Variants in SLC28A3 observed in about 807,000 individuals in gnomAD.
SLC28A3 encodes concentrative Na(+)-nucleoside cotransporter 3.
SLC28A3 carries 68 observed loss-of-function variants against 84.2 expected under a neutral mutation model. The observed-to-expected ratio is 0.81, with a 90% CI of 0.66 to 0.99. The LOEUF (loss-of-function observed/expected upper bound fraction) is 0.99, where lower values mean the gene tolerates loss of function less well. SLC28A3 is among the 50% of genes least tolerant of loss of function. The pLI, the probability that SLC28A3 is intolerant of heterozygous loss-of-function variation, is 0.00. For synonymous variants in SLC28A3, 267 were observed against 303.6 expected, an observed-to-expected ratio of 0.88 and a Z score of 1.25; for missense variants, 712 against 841.5, an observed-to-expected ratio of 0.85 and a Z score of 1.90.
intron 6 of SLC28A3, among the ~76,000 whole-genome samples, chr9:84,298,467 AC>A (rs1825504355): frequency 6.6e-6 from 1 of 152,112 alleles, no homozygotes; most frequent in Admixed American, 6.5e-5. Flanking sequence ...AGCCTGGGCA[AC>A]AGAGCGAGAC....
intron 14 of SLC28A3, among the ~76,000 whole-genome samples, chr9:84,284,706 C>A (rs1242207555): frequency 6.6e-6 from 1 of 152,166 alleles, no homozygotes; most frequent in African/African-American, 2.4e-5. Context: ...CACCAAAGGC[C>A]AGGCAGATGT....
At chr9:84,340,941 C>A, upstream of SLC28A3, among the ~76,000 whole-genome samples, 1 of 151,262 alleles carries the variant, frequency 6.6e-6, no homozygotes. Flanking sequence ...TCTTGTGGTG[C>A]ACAAAACAGA....
rs954367423 is a variant in SLC28A3, at chr9:84,309,776, G to A, written c.157-62C>T. On this transcript the variant is annotated intron_variant, in intron 2 of 17. Coordinates refer to ENST00000376238, the MANE Select transcript of SLC28A3 (RefSeq NM_001199633.2). Reference sequence around the variant, plus strand: ...AGCATCCTGGGCATAATGGACCCTGGTTTCATTGCTCAGAACTCGGGCAAA... The same window carrying A: ...AGCATCCTGGGCATAATGGACCCTGATTTCATTGCTCAGAACTCGGGCAAA... 9 of 1,418,752 alleles carry A rather than the reference G, an allele frequency of 6.3e-6. No individual in the cohort carries two copies. The East Asian group carries it at 1.6e-4, about 25-fold the overall frequency. 87.9% of individuals were successfully genotyped at this position (1,418,752 alleles called of 1,614,324 possible). A position where few individuals can be genotyped will look rare whatever the true frequency, so the allele number is the denominator to read the frequency against.
At chr9:84,310,551 C>A in intron 2 of SLC28A3, 1 of 985,430 alleles carries the variant, frequency 1.0e-6, no homozygotes, top group Non-Finnish European at 1.2e-6. Context: ...AATCTCAGCA[C>A]TTGTCTTCTG....
chr9:84,366,976 C>T, the SLC28A3 span, among the ~76,000 whole-genome samples: 2 of 152,318 alleles, frequency 1.3e-5, no homozygotes, highest in South Asian at 2.1e-4. Flanking sequence ...CCCTTCAGGT[C>T]AGCAAGCTCC....
At chr9:84,324,332 C>T (rs539269078) in intron 1 of SLC28A3, among the ~76,000 whole-genome samples, 1 of 152,264 alleles carries the variant, frequency 6.6e-6, no homozygotes, top group African/African-American at 2.4e-5. Context: ...AATCAGGGCT[C>T]AGTAAATTAA....
At chr9:84,362,342 T>C in the SLC28A3 span, among the ~76,000 whole-genome samples, 1 of 152,124 alleles carries the variant, frequency 6.6e-6, no homozygotes, top group African/African-American at 2.4e-5. Flanking sequence ...GATAGAAATT[T>C]AGGACTTGGC....
At chr9:84,359,847 A>C in the SLC28A3 span, among the ~76,000 whole-genome samples, 1 of 151,946 alleles carries the variant, frequency 6.6e-6, no homozygotes, top group Non-Finnish European at 1.5e-5. Context: ...CAAAAAATAC[A>C]AAAATTAGCT....
intron 6 of SLC28A3, among the ~76,000 whole-genome samples, chr9:84,298,932 T>C (rs949550600): frequency 6.6e-6 from 1 of 152,174 alleles, no homozygotes; most frequent in Non-Finnish European, 1.5e-5. Flanking sequence ...ATCGGAGGCA[T>C]AGACAATGGA....
intron 3 of SLC28A3, 113 bp from the exon 4 acceptor site, chr9:84,305,458 G>T: frequency 2.4e-6 from 2 of 830,588 alleles, no homozygotes; most frequent in Non-Finnish European, 4.0e-6. Context: ...AAACACATGT[G>T]TGAGGCGTAT....
chr9:84,294,115 C>T, intron 9 of SLC28A3, 80 bp downstream of exon 9: 1 of 1,284,208 alleles, frequency 7.8e-7, no homozygotes, highest in Non-Finnish European at 1.1e-6. Context: ...TCGTAAATAC[C>T]TGCATAAAAG....
At chr9:84,308,210 C>G (rs1034099911) in intron 3 of SLC28A3, among the ~76,000 whole-genome samples, 1 of 152,028 alleles carries the variant, frequency 6.6e-6, no homozygotes, top group Non-Finnish European at 1.5e-5. Flanking sequence ...CATGACAGGG[C>G]CTTGCTCTGT....
At position 84,309,781 on chromosome 9, in the gene SLC28A3, A is replaced by G. The variant is rs184457437; in HGVS notation, c.157-67T>C. Reference sequence around the variant, plus strand: ...CCTGGGCATAATGGACCCTGGTTTCATTGCTCAGAACTCGGGCAAAGAACT... The same window carrying G: ...CCTGGGCATAATGGACCCTGGTTTCGTTGCTCAGAACTCGGGCAAAGAACT... On this transcript the variant is annotated intron_variant, in intron 2 of 17. Transcript: ENST00000376238. The G allele has an allele frequency of 5.1e-6, 7 of 1,381,840 alleles. No homozygotes were observed. In the Admixed American group the frequency reaches 9.0e-5, roughly 18 times the overall value. 85.6% of individuals were successfully genotyped at this position (1,381,840 alleles called of 1,614,324 possible).
At chr9:84,340,994 G>C (rs80298844), upstream of SLC28A3, among the ~76,000 whole-genome samples, 1 of 136,462 alleles carries the variant, frequency 7.3e-6, no homozygotes, top group Non-Finnish European at 1.6e-5. Context: ...TTTTTTTTTT[G>C]AGATGGAGTC....
At position 84,277,280 on chromosome 9, in the gene SLC28A3, C is replaced by A. The variant is rs1007850667; in HGVS notation, c.*938G>T. 2.6e-5 allele frequency: 4 copies of A among 152,216 alleles called. No homozygotes were observed. Among genetic ancestry groups the A allele is most frequent in the African/African-American group, 9.6e-5 (4 of 41,458 alleles). 9.4% of individuals were successfully genotyped at this position (152,216 alleles called of 1,614,324 possible). A position where few individuals can be genotyped will look rare whatever the true frequency, so the allele number is the denominator to read the frequency against. On this transcript the variant is annotated 3_prime_UTR_variant, in exon 18 of 18. Coordinates refer to ENST00000376238, the MANE Select transcript of SLC28A3 (RefSeq NM_001199633.2). ...CTTATGGTGTATCATATTACTTCTG[C>A]AAAATATTCACTATCCCTCCCTATG...
chr9:84,365,604 AC>A, the SLC28A3 span, among the ~76,000 whole-genome samples: 1 of 151,978 alleles, frequency 6.6e-6, no homozygotes, highest in Non-Finnish European at 1.5e-5. Flanking sequence ...TTTTTCCCAA[AC>A]TTTTCTTGTA....
chr9:84,278,954 C>T (rs755964475), intron 17 of SLC28A3, among the ~76,000 whole-genome samples: 2 of 148,790 alleles, frequency 1.3e-5, no homozygotes, highest in African/African-American at 5.2e-5. Context: ...ATACAAAGTG[C>T]GTAACACACA....
chr9:84,361,060 T>C, the SLC28A3 span, among the ~76,000 whole-genome samples: 2 of 151,796 alleles, frequency 1.3e-5, no homozygotes, highest in African/African-American at 2.4e-5. Flanking sequence ...GGGTTAAACA[T>C]GCAGGCCGGG....
chr9:84,315,313 C>T (rs1275320396), intron 1 of SLC28A3, among the ~76,000 whole-genome samples: 1 of 152,196 alleles, frequency 6.6e-6, no homozygotes, highest in Non-Finnish European at 1.5e-5. Flanking sequence ...AGGGTCCCTA[C>T]TGAGCAGGCC....
Sources: allele counts gnomAD v4.1 joint callset (sites outside exome capture counted in the v4.1 genomes callset), GRCh38; gene constraint gnomAD v4.1.1; transcripts MANE v1.5; gene names NCBI Gene and HGNC (gene_info 2026-07-23, HGNC 2026-07-21).